Variants in C12orf42 observed in about 807,000 individuals in gnomAD.
C12orf42 encodes chromosome 12 open reading frame 42, also known as uncharacterized protein C12orf42.
In C12orf42, 25 loss-of-function variants were observed where a neutral mutation model predicts 21.6. That is an observed-to-expected ratio of 1.16 (90% CI 0.84 to 1.62). C12orf42 has a LOEUF of 1.62. C12orf42 is among the 40% of genes most tolerant of loss of function. The pLI, the probability that C12orf42 is intolerant of heterozygous loss-of-function variation, is 0.00. For missense variants in C12orf42, 483 were observed against 459.3 expected, an observed-to-expected ratio of 1.05 and a Z score of -0.47; for synonymous variants, 174 against 175.0, an observed-to-expected ratio of 0.99 and a Z score of 0.05.
chr12:103,287,203 G>A (rs1453073352), intron 4 of C12orf42, among the ~76,000 whole-genome samples: 1 of 152,080 alleles, frequency 6.6e-6, no homozygotes, highest in Non-Finnish European at 1.5e-5. Context: ...CCCATTACTG[G>A]GTATATACCC....
intron 5 of C12orf42, among the ~76,000 whole-genome samples, chr12:103,273,270 CCTT>C (rs1309153983): frequency 6.6e-6 from 1 of 152,062 alleles, no homozygotes; most frequent in Admixed American, 6.6e-5. Context: ...AGGAATGTGG[CCTT>C]CTTTTTTCAC....
At chr12:103,518,935 G>A in the C12orf42 span, among the ~76,000 whole-genome samples, 1 of 152,112 alleles carries the variant, frequency 6.6e-6, no homozygotes, top group Non-Finnish European at 1.5e-5. Flanking sequence ...TAGTTGATAT[G>A]GTGAGGCTTT....
At chr12:103,136,751 G>A in the C12orf42 span, among the ~76,000 whole-genome samples, 15,933 of 152,140 alleles carry the variant, frequency 0.1, 1,303 homozygotes, top group East Asian at 0.47. Context: ...ACCACTTTTT[G>A]ACAAAGGTGT....
At chr12:103,146,386 G>A in the C12orf42 span, among the ~76,000 whole-genome samples, 7 of 150,816 alleles carry the variant, frequency 4.6e-5, no homozygotes, top group Admixed American at 4.0e-4. Context: ...AGACTGAGGT[G>A]GGAGGATCCC....
In C12orf42 at chr12:103,418,369, T is replaced by C. The variant is rs146701873; in HGVS notation, c.79-16694A>G. ...AACATATAATGCTAAGAAGATAATC[T>C]GATCTTCTTACGGAAGATCAGAAGT... On this transcript the variant is annotated intron_variant, in intron 2 of 5. Transcript: ENST00000548883. 5.4e-3 allele frequency among the ~76,000 whole-genome samples: 819 copies of C among 152,326 alleles called. 7 individuals carry two copies. Among genetic ancestry groups the C allele is most frequent in the African/African-American group, 0.018 (764 of 41,574 alleles).
chr12:103,084,899 T>C, the C12orf42 span, among the ~76,000 whole-genome samples: 5 of 152,138 alleles, frequency 3.3e-5, no homozygotes, highest in Non-Finnish European at 7.4e-5. Context: ...GGAAACTTGG[T>C]AGTACTTACA....
At position 103,256,123 on chromosome 12, in the gene C12orf42, C is replaced by T. The variant is rs1368931331; in HGVS notation, c.*1366+7203G>A. ...ATATATATATATATACACACACACA[C>T]ACACACACACACACACACACACGTA... is the stretch of plus-strand genomic sequence containing the variant. On this transcript the variant is annotated intron_variant and NMD_transcript_variant, in intron 10 of 10. Coordinates refer to the C12orf42 transcript ENST00000547347. Among the ~76,000 whole-genome samples, 350 of 83,160 alleles carry T rather than the reference C, an allele frequency of 4.2e-3. 4 individuals are homozygous for T. The East Asian group carries it at 0.051, about 12-fold the overall frequency. 54.6% of individuals were successfully genotyped at this position (83,160 alleles called of 152,430 possible). A position where few individuals can be genotyped will look rare whatever the true frequency, so the allele number is the denominator to read the frequency against.
At chr12:103,544,470 C>T in the C12orf42 span, among the ~76,000 whole-genome samples, 6 of 152,284 alleles carry the variant, frequency 3.9e-5, no homozygotes, top group South Asian at 2.1e-4. Context: ...TTGACTATGA[C>T]GTTTCCAGGT....
chr12:103,544,255 T>C, the C12orf42 span, among the ~76,000 whole-genome samples: 1 of 152,180 alleles, frequency 6.6e-6, no homozygotes, highest in Admixed American at 6.5e-5. Flanking sequence ...ATGTCTTTAT[T>C]TCACTTAAAC....
intron 4 of C12orf42, among the ~76,000 whole-genome samples, chr12:103,366,211 G>A (rs2044586416): frequency 6.6e-6 from 1 of 151,998 alleles, no homozygotes. Context: ...CATAAAGTGA[G>A]GAAAGGACAC....
chr12:103,312,968 G>A (rs1242094289), intron 4 of C12orf42, among the ~76,000 whole-genome samples: 2 of 152,150 alleles, frequency 1.3e-5, no homozygotes, highest in African/African-American at 4.8e-5. Context: ...AGATACCAGC[G>A]AGCTGACCAC....
chr12:103,049,925 T>A, the C12orf42 span, among the ~76,000 whole-genome samples: 6 of 152,134 alleles, frequency 3.9e-5, no homozygotes, highest in African/African-American at 1.4e-4. Flanking sequence ...TCTACCTCCT[T>A]CTCTGTTTTA....
At chr12:103,339,364 C>T (rs2041980049) in intron 4 of C12orf42, among the ~76,000 whole-genome samples, 1 of 152,170 alleles carries the variant, frequency 6.6e-6, no homozygotes, top group Non-Finnish European at 1.5e-5. Context: ...TTCTACCCTC[C>T]ACCCTCTGAA....
intron 2 of C12orf42, among the ~76,000 whole-genome samples, chr12:103,404,311 T>C (rs2048266831): frequency 6.6e-6 from 1 of 152,142 alleles, no homozygotes; most frequent in Admixed American, 6.5e-5. Flanking sequence ...TAGAATTGCC[T>C]GGTAAACAAA....
At chr12:103,068,961 A>G in the C12orf42 span, among the ~76,000 whole-genome samples, 51 of 89,178 alleles carry the variant, frequency 5.7e-4, no homozygotes, top group East Asian at 1.6e-3. Flanking sequence ...ATATATATAT[A>G]TATATATATA....
At chr12:103,119,311 A>G in the C12orf42 span, among the ~76,000 whole-genome samples, 1 of 152,250 alleles carries the variant, frequency 6.6e-6, no homozygotes, top group Non-Finnish European at 1.5e-5. Context: ...TAAATGAGAT[A>G]ACACATGAGA....
intron 10 of C12orf42, among the ~76,000 whole-genome samples, chr12:103,247,032 G>A (rs1355421901): frequency 1.3e-5 from 2 of 150,880 alleles, no homozygotes; most frequent in African/African-American, 4.9e-5. Context: ...TTTTTATAAA[G>A]CTATGTTTTA....
the C12orf42 span, among the ~76,000 whole-genome samples, chr12:103,195,122 G>A: frequency 6.6e-6 from 1 of 152,090 alleles, no homozygotes; most frequent in Admixed American, 6.6e-5. Context: ...TGCAAAGCAC[G>A]TGGTTTTGCT....
chr12:103,161,996 G>A, the C12orf42 span, among the ~76,000 whole-genome samples: 19 of 152,232 alleles, frequency 1.2e-4, no homozygotes, highest in African/African-American at 4.1e-4. Context: ...CACAGGTTTG[G>A]GGAATATAAA....
Sources: allele counts gnomAD v4.1 joint callset (sites outside exome capture counted in the v4.1 genomes callset), GRCh38; gene constraint gnomAD v4.1.1; transcripts MANE v1.5; gene names NCBI Gene and HGNC (gene_info 2026-07-23, HGNC 2026-07-21).